The following SFRP1 variants were observed in gnomAD, a reference collection of about 807,000 sequenced individuals.
The protein encoded by SFRP1 is secreted frizzled-related protein 1.
In SFRP1, 9 loss-of-function variants were observed where a neutral mutation model predicts 25.9. The ratio of observed to expected loss-of-function variants is 0.35; its 90% CI spans 0.21 to 0.61. SFRP1 has a LOEUF of 0.61. Among genes scored for constraint, SFRP1 ranks in the 20% least tolerant of loss-of-function variants. The pLI, the probability that SFRP1 is intolerant of heterozygous loss-of-function variation, is 0.78. For synonymous variants in SFRP1, 178 were observed against 174.0 expected (o/e 1.02, Z -0.18); for missense variants, 346 against 418.2 (o/e 0.83, Z 1.51).
chr8:41,283,307 G>C (rs1037639711), intron 2 of SFRP1, among the ~76,000 whole-genome samples: 1 of 152,138 alleles, frequency 6.6e-6, no homozygotes, highest in African/African-American at 2.4e-5. Flanking sequence ...CATACAATGG[G>C]AGTAGGATGA....
At position 41,262,950 on chromosome 8, in the gene SFRP1, C is replaced by A. The variant is rs1234178851; in HGVS notation, c.*2217G>T. The A allele has an allele frequency of 6.6e-6, 1 of 152,150 alleles. No homozygotes were observed. The highest frequency in any genetic ancestry group is 1.5e-5 in the Non-Finnish European group (1 of 68,038). The allele number at this position is 152,150 out of a possible 1,614,324, so 9.4% of individuals were successfully genotyped here. Reference sequence around the variant, plus strand: ...AAACCCACAGCTGCGATTCACATTTCCAATTTATTTTGAGCTCTTTCTGAA... The same window carrying A: ...AAACCCACAGCTGCGATTCACATTTACAATTTATTTTGAGCTCTTTCTGAA... On this transcript the variant is annotated 3_prime_UTR_variant, in exon 3 of 3. Transcript: ENST00000220772.
chr8:41,295,577 A>T (rs1253028957), intron 2 of SFRP1, among the ~76,000 whole-genome samples: 1 of 151,704 alleles, frequency 6.6e-6, no homozygotes, highest in Non-Finnish European at 1.5e-5. Context: ...AAAGACCTGG[A>T]AGGCTGTATT....
chr8:41,286,925 G>A (rs1010053425), intron 2 of SFRP1, among the ~76,000 whole-genome samples: 11 of 152,192 alleles, frequency 7.2e-5, no homozygotes, highest in South Asian at 2.1e-4. Context: ...TGCCCCAAGC[G>A]TGGCATCTGA....
At chr8:41,294,878 G>A (rs1483611094) in intron 2 of SFRP1, among the ~76,000 whole-genome samples, 1 of 152,084 alleles carries the variant, frequency 6.6e-6, no homozygotes, top group Admixed American at 6.6e-5. Context: ...CTGCCGCTTT[G>A]AGGAGTTGGG....
intron 2 of SFRP1, among the ~76,000 whole-genome samples, chr8:41,275,737 C>T (rs956683639): frequency 1.3e-5 from 2 of 151,590 alleles, no homozygotes; most frequent in African/African-American, 4.9e-5. Context: ...TTCCTGACCT[C>T]GTGATCCGAG....
intron 1 of SFRP1, among the ~76,000 whole-genome samples, chr8:41,307,677 A>G (rs1804015200): frequency 6.6e-6 from 1 of 152,162 alleles, no homozygotes; most frequent in African/African-American, 2.4e-5. Flanking sequence ...CAGGTCTGTG[A>G]TGTGTATATT....
chr8:41,295,095 G>T (rs1276177989), intron 2 of SFRP1, among the ~76,000 whole-genome samples: 1 of 152,204 alleles, frequency 6.6e-6, no homozygotes. Context: ...CAGTGCAGTG[G>T]CTCACGCCTG....
intron 2 of SFRP1, among the ~76,000 whole-genome samples, chr8:41,283,751 C>T (rs560725559): frequency 1.6e-4 from 25 of 151,930 alleles, no homozygotes; most frequent in African/African-American, 6.0e-4. Context: ...TTAGTAGAGA[C>T]GGGGTTTCGC....
In SFRP1 at chr8:41,284,092, C is replaced by G. The variant is rs930175676; in HGVS notation, c.623-18603G>C. Among the ~76,000 whole-genome samples, 5 of 152,286 alleles carry G rather than the reference C, an allele frequency of 3.3e-5. 1 individual carries two copies. In the East Asian group the frequency reaches 9.7e-4, roughly 30 times the overall value. On this transcript the variant is annotated intron_variant, in intron 2 of 2. Coordinates refer to ENST00000220772, the MANE Select transcript of SFRP1 (RefSeq NM_003012.5). Reference sequence around the variant, plus strand: ...CAGCAAGTAGGATCCAAACCTAGGCCTGCACATCTAGAGTGGCTGACAGGA... The same window carrying G: ...CAGCAAGTAGGATCCAAACCTAGGCGTGCACATCTAGAGTGGCTGACAGGA...
chr8:41,297,957 G>C (rs1803864914), intron 2 of SFRP1, among the ~76,000 whole-genome samples: 1 of 152,160 alleles, frequency 6.6e-6, no homozygotes, highest in Admixed American at 6.5e-5. Context: ...AAGGAGCAAG[G>C]GTGTGCAATC....
At position 41,265,243 on chromosome 8, in the gene SFRP1, T is replaced by G; in HGVS notation, c.869A>C (p.Lys290Thr). 3 of 1,614,162 alleles carry G rather than the reference T, an allele frequency of 1.9e-6. No homozygotes were observed. The highest frequency in any genetic ancestry group is 2.5e-6 in the Non-Finnish European group (3 of 1,180,008). The part of the protein sequence containing the change: ...LLTAIHKWDK[K>T]NKEFKNFMKK... The stretch of plus-strand genomic sequence containing the variant: ...CATGAAGTTTTTGAACTCCTTGTTT[T>G]TCTTGTCCCACTTGTGGATGGCCGT... The change falls in exon 3 of 3, where the codon AAA (lysine) becomes ACA (threonine). Residue 290 changes from lysine to threonine, a missense_variant. Physicochemically the swap from Lys to Thr is moderately conservative, Grantham distance 78. Coordinates refer to ENST00000220772, the MANE Select transcript of SFRP1 (RefSeq NM_003012.5).
In SFRP1 at chr8:41,308,791, G is replaced by A; in HGVS notation, c.369C>T (p.Asp123=). 1.2e-6 allele frequency: 2 copies of A among 1,611,356 alleles called. No individual in the cohort carries two copies. Among genetic ancestry groups the A allele is most frequent in the South Asian group, 2.2e-5 (2 of 90,840 alleles). Residue 123 remains aspartate, a synonymous_variant, in exon 1 of 3, where the codon GAC becomes GAT. Coordinates refer to ENST00000220772, the MANE Select transcript of SFRP1 (RefSeq NM_003012.5). The stretch of plus-strand genomic sequence containing the variant: ...GCCAGCGACACGGGTAGATGGGCCG[G>A]TCCAGGCAGACGGGCGCGAAGAGCG... The part of the protein sequence containing the change: ...LCSLFAPVCL[D]RPIYPCRWLC...
Position 41,309,083 on chromosome 8 carries a change from A to T in SFRP1, c.77T>A (p.Leu26Gln). The T allele has an allele frequency of 6.3e-7, 1 of 1,587,470 alleles. No homozygotes were observed. The change falls in exon 1 of 3, where the codon CTG becomes CAG. Residue 26 changes from leucine (L) to glutamine (Q), a missense_variant. By Grantham distance (113) the Leu-to-Gln change is moderately radical (BLOSUM62 -2). Coordinates refer to ENST00000220772, the MANE Select transcript of SFRP1 (RefSeq NM_003012.5). ...GTACTCGCTGGCCGAGCCCACGGCCAGAAGCGCCGCGCCCAGCGCCAGCAG... is the reference window on the plus strand; with the variant it reads ...GTACTCGCTGGCCGAGCCCACGGCCTGAAGCGCCGCGCCCAGCGCCAGCAG... ...GVLLALGAAL[L>Q]AVGSASEYDY...
intron 2 of SFRP1, among the ~76,000 whole-genome samples, chr8:41,298,804 T>C (rs1029634487): frequency 2.0e-5 from 3 of 152,128 alleles, no homozygotes; most frequent in Non-Finnish European, 4.4e-5. Context: ...TTTGTATCCA[T>C]TAAAAAAATT....
Position 41,274,717 on chromosome 8 carries a change from G to GAAC in SFRP1, c.623-9231_623-9229dup, listed in dbSNP as rs1803551035. On this transcript the variant is annotated intron_variant, in intron 2 of 2. Coordinates refer to ENST00000220772, the MANE Select transcript of SFRP1 (RefSeq NM_003012.5). The stretch of plus-strand genomic sequence containing the variant: ...GTCATAGGAACTAGAGGTGGGAAGG[G>GAAC]AACTGCATGCAGTTTTTGTTAAAAA... 2.0e-5 allele frequency among the ~76,000 whole-genome samples: 3 copies of GAAC among 152,256 alleles called. No homozygotes were observed. The East Asian group carries it at 5.8e-4, about 29-fold the overall frequency.
At chr8:41,299,160 G>C (rs9298613) in intron 2 of SFRP1, among the ~76,000 whole-genome samples, 94,237 of 150,560 alleles carry the variant, frequency 0.63, 29,841 homozygotes, top group Middle Eastern at 0.73. Context: ...TCTCAGCTGG[G>C]ACTCACACCT....
At position 41,309,376 on chromosome 8, in the gene SFRP1, G is replaced by A. The variant is rs976523801; in HGVS notation, c.-217C>T. 1.4e-5 allele frequency: 4 copies of A among 292,852 alleles called. No homozygotes were observed. Among genetic ancestry groups the A allele is most frequent in the African/African-American group, 2.3e-5 (1 of 44,432 alleles). The allele number at this position is 292,852 out of a possible 1,614,324, so 18.1% of individuals were successfully genotyped here. A position where few individuals can be genotyped will look rare whatever the true frequency, so the allele number is the denominator to read the frequency against. ...CGCGGGCGGGGAGGCGGCGCTGCGG[G>A]CTGGGTGCGCCCCGGCTCCCGGAGG... is the stretch of plus-strand genomic sequence containing the variant. On this transcript the variant is annotated 5_prime_UTR_variant, in exon 1 of 3. Coordinates refer to ENST00000220772, the MANE Select transcript of SFRP1 (RefSeq NM_003012.5).
chr8:41,299,960 TGCTCTCAGGCA>T (rs1239630768), intron 2 of SFRP1, among the ~76,000 whole-genome samples: 3 of 152,210 alleles, frequency 2.0e-5, no homozygotes, highest in Non-Finnish European at 4.4e-5. Flanking sequence ...ATACAGAGCC[TGCTCTCAGGCA>T]GCCTGCAGGT....
chr8:41,293,509 T>C (rs1483209864), intron 2 of SFRP1, among the ~76,000 whole-genome samples: 1 of 152,236 alleles, frequency 6.6e-6, no homozygotes, highest in East Asian at 1.9e-4. Context: ...TCCCTTTCCC[T>C]GTCCTCATCT....
Sources: gnomAD v4.1 joint callset for allele counts (sites outside exome capture counted in the v4.1 genomes callset) on GRCh38, gnomAD v4.1.1 for gene constraint, MANE v1.5 for transcripts, NCBI Gene and HGNC (gene_info 2026-07-23, HGNC 2026-07-21) for gene names.